The following GRM8 variants were observed in gnomAD, a reference collection of about 807,000 sequenced individuals.
GRM8 encodes metabotropic glutamate receptor 8.
A neutral mutation model predicts 87.2 loss-of-function variants in GRM8; 47 were observed. The ratio of observed to expected loss-of-function variants is 0.54; its 90% CI spans 0.43 to 0.69. GRM8 has a LOEUF of 0.69. Among genes scored for constraint, GRM8 ranks in the 30% least tolerant of loss-of-function variants. The probability of loss-of-function intolerance (pLI) is 0.00; values close to 1 mark genes in which losing one functional copy is unlikely to be tolerated. For missense variants in GRM8, 1,019 were observed against 1,139.2 expected, an observed-to-expected ratio of 0.89 and a Z score of 1.52; for synonymous variants, 396 against 404.5, an observed-to-expected ratio of 0.98 and a Z score of 0.25.
intron 2 of GRM8, among the ~76,000 whole-genome samples, chr7:127,226,861 G>A (rs979711633): frequency 2.6e-5 from 4 of 152,152 alleles, no homozygotes; most frequent in East Asian, 1.9e-4. Context: ...TGTTTCTACC[G>A]GCTTGCACGC....
intron 7 of GRM8, among the ~76,000 whole-genome samples, chr7:126,717,945 G>T (rs1385060255): frequency 6.6e-6 from 1 of 151,938 alleles, no homozygotes; most frequent in Non-Finnish European, 1.5e-5. Context: ...TAATAACTTC[G>T]GTGTTGGCCG....
intron 7 of GRM8, among the ~76,000 whole-genome samples, chr7:126,682,250 C>G (rs954008241): frequency 6.6e-6 from 1 of 152,172 alleles, no homozygotes; most frequent in Non-Finnish European, 1.5e-5. Flanking sequence ...ATCTGACACA[C>G]AATAGGCACT....
intron 2 of GRM8, among the ~76,000 whole-genome samples, chr7:127,220,027 C>G (rs1183986239): frequency 6.6e-6 from 1 of 152,218 alleles, no homozygotes; most frequent in Non-Finnish European, 1.5e-5. Flanking sequence ...CCTACTGAAT[C>G]TATACCATTA....
At chr7:126,911,202 G>A (rs1803253711) in intron 3 of GRM8, among the ~76,000 whole-genome samples, 2 of 152,128 alleles carry the variant, frequency 1.3e-5, no homozygotes, top group African/African-American at 2.4e-5. Flanking sequence ...ATTCTGAAAA[G>A]TGATACTTGC....
At chr7:126,446,564 A>G (rs1008032922) in intron 9 of GRM8, among the ~76,000 whole-genome samples, 192 bp from the exon 10 acceptor site, 2 of 151,980 alleles carry the variant, frequency 1.3e-5, no homozygotes, top group African/African-American at 4.8e-5. Flanking sequence ...GAGTAAGGTT[A>G]TTTTTTTATT....
chr7:126,471,047 T>C (rs2150556137), intron 9 of GRM8, among the ~76,000 whole-genome samples: 1 of 152,336 alleles, frequency 6.6e-6, no homozygotes, highest in East Asian at 1.9e-4. Context: ...TGTTTGTTTT[T>C]TCTTGTAAAT....
intron 2 of GRM8, among the ~76,000 whole-genome samples, chr7:127,131,206 T>C (rs367751611): frequency 7.9e-5 from 12 of 152,182 alleles, no homozygotes; most frequent in Admixed American, 2.6e-4. Flanking sequence ...AATCAACTTC[T>C]TGTTGATTGC....
intron 2 of GRM8, among the ~76,000 whole-genome samples, chr7:127,214,572 G>A (rs1371559578): frequency 1.3e-5 from 2 of 152,196 alleles, no homozygotes; most frequent in Non-Finnish European, 2.9e-5. Context: ...ATGGCAGAAG[G>A]CGAAAGAGAA....
intron 9 of GRM8, among the ~76,000 whole-genome samples, chr7:126,481,947 A>G (rs1014008323): frequency 3.3e-5 from 5 of 152,082 alleles, no homozygotes; most frequent in Admixed American, 6.6e-5. Flanking sequence ...AAATTTAAAA[A>G]TTAGGGGAAA....
At position 126,902,651 on chromosome 7, in the gene GRM8, A is replaced by T; in HGVS notation, c.1047T>A (p.Thr349=). ...ACACATTTCTTCGATTATTGGCAAG[A>T]GTTCGGCTTCTAAAGTATCGATCAA... is the stretch of plus-strand genomic sequence containing the variant. ...DGFDRYFRSR[T]LANNRRNVWF... The change falls in exon 6 of 11, where the codon ACT becomes ACA. Residue 349 remains threonine (T), a synonymous_variant. Coordinates refer to ENST00000339582, the MANE Select transcript of GRM8 (RefSeq NM_000845.3). 1 of 1,607,734 alleles carries T rather than the reference A, an allele frequency of 6.2e-7. No homozygotes were observed. Among genetic ancestry groups the T allele is most frequent in the Non-Finnish European group, 8.5e-7 (1 of 1,177,018 alleles).
chr7:127,173,397 T>C (rs1158121011), intron 2 of GRM8, among the ~76,000 whole-genome samples: 2 of 151,882 alleles, frequency 1.3e-5, no homozygotes, highest in African/African-American at 2.4e-5. Flanking sequence ...GCAAAGGTCA[T>C]GGGGAAGGGG....
chr7:127,213,242 TA>T (rs975680906), intron 2 of GRM8, among the ~76,000 whole-genome samples: 15 of 152,214 alleles, frequency 9.9e-5, no homozygotes, highest in African/African-American at 3.4e-4. Context: ...TCACCTTAGA[TA>T]GTGCACCTTA....
At chr7:126,861,963 TTTTTG>T (rs1170223658) in intron 6 of GRM8, among the ~76,000 whole-genome samples, 2 of 151,920 alleles carry the variant, frequency 1.3e-5, no homozygotes, top group African/African-American at 4.8e-5. Context: ...TTTTGGCTTG[TTTTTG>T]TTTTGTTTTG....
intron 8 of GRM8, among the ~76,000 whole-genome samples, chr7:126,596,589 G>A (rs540442922): frequency 6.6e-6 from 1 of 152,230 alleles, no homozygotes; most frequent in East Asian, 1.9e-4. Context: ...GCATATGGGA[G>A]AGAAATCAAT....
intron 3 of GRM8, among the ~76,000 whole-genome samples, chr7:126,932,168 T>C (rs1805834459): frequency 2.0e-5 from 3 of 152,194 alleles, no homozygotes; most frequent in South Asian, 4.1e-4. Context: ...GGTTGGTAGG[T>C]TGACTACTTT....
chr7:127,106,178 A>G (rs767255748), intron 3 of GRM8, among the ~76,000 whole-genome samples: 1 of 152,222 alleles, frequency 6.6e-6, no homozygotes. Context: ...TAGAACAATC[A>G]AATAGTATGT....
intron 10 of GRM8, chr7:126,445,108 T>G (rs1801874292): frequency 6.6e-6 from 1 of 152,376 alleles, no homozygotes; most frequent in Non-Finnish European, 1.5e-5. Context: ...GAGGCTGCAG[T>G]GAGCCTAGAT....
chr7:126,924,836 C>G (rs964236586), intron 3 of GRM8, among the ~76,000 whole-genome samples: 1 of 151,952 alleles, frequency 6.6e-6, no homozygotes, highest in Non-Finnish European at 1.5e-5. Flanking sequence ...GGTCACTGGC[C>G]CTTATAAGAA....
At chr7:127,065,628 G>C (rs1439724839) in intron 3 of GRM8, among the ~76,000 whole-genome samples, 2 of 152,210 alleles carry the variant, frequency 1.3e-5, no homozygotes, top group Non-Finnish European at 2.9e-5. Context: ...ACAAAAATGA[G>C]GATGTCAGAG....
Sources: allele counts gnomAD v4.1 joint callset (sites outside exome capture counted in the v4.1 genomes callset), GRCh38; gene constraint gnomAD v4.1.1; transcripts MANE v1.5; gene names NCBI Gene and HGNC (gene_info 2026-07-23, HGNC 2026-07-21).